Variants in GNE observed in about 807,000 individuals in gnomAD.
The protein encoded by GNE is glucosamine (UDP-N-acetyl)-2-epimerase/N-acetylmannosamine kinase, also known as bifunctional UDP-N-acetylglucosamine 2-epimerase/N-acetylmannosamine kinase.
GNE carries 41 observed loss-of-function variants against 61.8 expected under a neutral mutation model. The observed-to-expected ratio is 0.66, with a 90% CI of 0.52 to 0.86. The LOEUF (loss-of-function observed/expected upper bound fraction) is 0.86, where lower values mean the gene tolerates loss of function less well. Among genes scored for constraint, GNE ranks in the 40% least tolerant of loss-of-function variants. GNE has a pLI of 0.00. For synonymous variants in GNE, 264 were observed against 326.4 expected (o/e 0.81, Z 2.06); for missense variants, 608 against 909.1 (o/e 0.67, Z 4.26).
At chr9:36,275,326 A>G (rs1210704470) in intron 1 of GNE, among the ~76,000 whole-genome samples, 1 of 152,152 alleles carries the variant, frequency 6.6e-6, no homozygotes, top group Non-Finnish European at 1.5e-5. Context: ...TTTACATTTT[A>G]AAAGAGTATT....
intron 4 of GNE, among the ~76,000 whole-genome samples, chr9:36,235,720 A>G (rs1829362551): frequency 6.6e-6 from 1 of 152,196 alleles, no homozygotes; most frequent in Non-Finnish European, 1.5e-5. Flanking sequence ...TCCAACTAAT[A>G]TCCTACTTTG....
chr9:36,271,777 AG>A (rs1383324250), intron 1 of GNE, among the ~76,000 whole-genome samples: 4 of 152,228 alleles, frequency 2.6e-5, no homozygotes, highest in African/African-American at 4.8e-5. Context: ...AAGGAACCCG[AG>A]AAAAATCAGT....
At chr9:36,234,219 T>C in intron 4 of GNE, 87 bp from the exon 5 acceptor site, 1 of 1,063,692 alleles carries the variant, frequency 9.4e-7, no homozygotes, top group Non-Finnish European at 1.5e-6. Flanking sequence ...CGTAAAGAAA[T>C]CTCCCTAAAA....
intron 7 of GNE, among the ~76,000 whole-genome samples, chr9:36,225,812 T>C (rs143026748): frequency 3.2e-4 from 48 of 152,208 alleles, no homozygotes; most frequent in African/African-American, 1.2e-3. Flanking sequence ...GAATAAAAAA[T>C]CTAGAGTAGT....
Position 36,218,275 on chromosome 9 carries a change from A to G in GNE, c.1841T>C (p.Met614Thr). Residue 614 changes from methionine (M) to threonine (T), a missense_variant, in exon 11 of 12, where the codon ATG (methionine) becomes ACG (threonine). Met to Thr is a moderately conservative substitution (Grantham distance 81). Transcript: ENST00000642385. The surrounding 1 kb of genome is among the most constrained non-coding windows in gnomAD (Gnocchi z 4.1). ...HDEDLLLVEG[M>T]SVPKDEAVGA... is the part of the protein sequence containing the mutation. ...CACAGCCTCATCTTTTGGCACTGACATCCCTTCCACCAAGAGCAGGTCCTC... is the reference window on the plus strand; with the variant it reads ...CACAGCCTCATCTTTTGGCACTGACGTCCCTTCCACCAAGAGCAGGTCCTC... 1 of 1,614,014 alleles carries G rather than the reference A, an allele frequency of 6.2e-7. No individual in the cohort carries two copies. The highest frequency in any genetic ancestry group is 8.5e-7 in the Non-Finnish European group (1 of 1,179,892).
chr9:36,221,510 AC>A (rs1416006994), intron 9 of GNE, among the ~76,000 whole-genome samples: 1 of 152,186 alleles, frequency 6.6e-6, no homozygotes, highest in African/African-American at 2.4e-5. Flanking sequence ...GAGTAAAAAA[AC>A]AAAAGTAACA....
Position 36,216,254 on chromosome 9 carries a change from C to T in GNE, c.*1111G>A, listed in dbSNP as rs1320495423. ...TAAAAAAAAGTGTACTTAAGCCCTT[C>T]CTGGTAAGATTTCCCTCTGTTCTCT... On this transcript the variant is annotated 3_prime_UTR_variant, in exon 12 of 12. Transcript: ENST00000642385. 2.2e-6 allele frequency: 1 copy of T among 455,044 alleles called. No homozygotes were observed. The highest frequency in any genetic ancestry group is 4.4e-6 in the Non-Finnish European group (1 of 226,510). 28.2% of individuals were successfully genotyped at this position (455,044 alleles called of 1,614,324 possible).
chr9:36,264,902 C>T (rs371109183), intron 1 of GNE: 2 of 156,618 alleles, frequency 1.3e-5, no homozygotes, highest in African/African-American at 2.4e-5. Flanking sequence ...GGCTCCCCTC[C>T]CTTTGTATGG....
chr9:36,257,087 C>G (rs1054017185), intron 1 of GNE, among the ~76,000 whole-genome samples: 1 of 152,078 alleles, frequency 6.6e-6, no homozygotes, highest in South Asian at 2.1e-4. Flanking sequence ...GCCTGTAATC[C>G]CAGCTACTTG....
chr9:36,241,656 T>C (rs1213208096), intron 3 of GNE, among the ~76,000 whole-genome samples: 3 of 152,206 alleles, frequency 2.0e-5, no homozygotes, highest in African/African-American at 7.2e-5. Flanking sequence ...GGCATTTTGT[T>C]TTCTGTTGTA....
intron 1 of GNE, among the ~76,000 whole-genome samples, chr9:36,274,295 T>C (rs1253561175): frequency 1.3e-5 from 2 of 152,000 alleles, no homozygotes; most frequent in African/African-American, 4.8e-5. Flanking sequence ...AGGGTCTCGC[T>C]ATGTTGCCCA....
At chr9:36,261,134 A>G (rs895627910), upstream of GNE, among the ~76,000 whole-genome samples, 4 of 152,102 alleles carry the variant, frequency 2.6e-5, no homozygotes, top group African/African-American at 9.7e-5. Context: ...TCTCTCACTT[A>G]AAAAGACCCC....
chr9:36,247,882 C>T (rs1432572132), intron 2 of GNE, among the ~76,000 whole-genome samples: 3 of 151,682 alleles, frequency 2.0e-5, no homozygotes, highest in Non-Finnish European at 4.4e-5. Context: ...CAAAATTAGC[C>T]GGGCATGGTG....
chr9:36,268,903 G>A (rs1027364011), intron 1 of GNE, among the ~76,000 whole-genome samples: 1 of 152,106 alleles, frequency 6.6e-6, no homozygotes, highest in African/African-American at 2.4e-5. Flanking sequence ...GCCAAAGTGG[G>A]TGGATTACCT....
chr9:36,237,638 CCACT>C (rs1829448777), intron 3 of GNE, among the ~76,000 whole-genome samples: 2 of 130,216 alleles, frequency 1.5e-5, no homozygotes, highest in African/African-American at 5.3e-5. Context: ...AAAGTGAGCT[CCACT>C]TACTTTTTTT....
Position 36,219,897 on chromosome 9 carries a change from C to T in GNE, c.1757G>A (p.Cys586Tyr). 2 of 1,614,180 alleles carry T rather than the reference C, an allele frequency of 1.2e-6. No homozygotes were observed. The highest frequency in any genetic ancestry group is 1.1e-5 in the South Asian group (1 of 91,084). ...CATTCCAGAGGCGTATGCTTCAATG[C>T]ACCCATGGCTTCCACAGGAACAATC... ...GPDCSCGSHG[C>Y]IEAYASGMAL... is the part of the protein sequence containing the mutation. Residue 586 changes from cysteine to tyrosine, a missense_variant, in exon 10 of 12, where the codon TGC becomes TAC. Coordinates refer to ENST00000642385, the MANE Select transcript of GNE (RefSeq NM_005476.7).
chr9:36,272,617 C>T (rs867330178), intron 1 of GNE, among the ~76,000 whole-genome samples: 10 of 77,036 alleles, frequency 1.3e-4, no homozygotes, highest in African/African-American at 4.2e-4. Context: ...CGAGACTCCG[C>T]CTCAAAAAAA....
chr9:36,261,922 CAAAAAAA>C (rs34856029), upstream of GNE, among the ~76,000 whole-genome samples: 2 of 129,984 alleles, frequency 1.5e-5, no homozygotes, highest in Non-Finnish European at 3.3e-5. Context: ...GACTCAATCT[CAAAAAAA>C]AAAAAAAAAG....
chr9:36,215,048 G>A lies in GNE; in HGVS notation c.*2317C>T, dbSNP rs1828208159. On this transcript the variant is annotated 3_prime_UTR_variant, in exon 12 of 12. Coordinates refer to ENST00000642385, the MANE Select transcript of GNE (RefSeq NM_005476.7). ...CCATAAAAACCTGTCACTAGGGCCA[G>A]GTGTGATGGCTTACACCTGTAATCC... is the stretch of plus-strand genomic sequence containing the variant. The A allele has an allele frequency of 6.6e-6, 1 of 152,248 alleles. No homozygotes were observed. Among genetic ancestry groups the A allele is most frequent in the African/African-American group, 2.4e-5 (1 of 41,522 alleles). The allele number at this position is 152,248 out of a possible 1,614,324, so 9.4% of individuals were successfully genotyped here.
Sources: gnomAD v4.1 joint callset for allele counts (sites outside exome capture counted in the v4.1 genomes callset) on GRCh38, gnomAD v4.1.1 for gene constraint, Gnocchi (gnomAD v3.1) non-coding constraint, MANE v1.5 for transcripts, NCBI Gene and HGNC (gene_info 2026-07-23, HGNC 2026-07-21) for gene names.